Variants in NRXN3 observed in about 807,000 individuals in gnomAD.
The protein encoded by NRXN3 is neurexin 3.
Under a neutral mutation model 137.6 loss-of-function variants are expected in NRXN3, and 32 were observed. The observed-to-expected ratio is 0.23, with a 90% confidence interval of 0.18 to 0.31. The LOEUF is 0.31. NRXN3 is among the 10% of genes least tolerant of loss of function. The pLI is 1.00. For synonymous variants in NRXN3, 798 were observed against 784.5 expected (o/e 1.02, Z -0.29); for missense variants, 1,574 against 2,062.5 (o/e 0.76, Z 4.59).
chr14:79,001,215 C>T (rs957439999), intron 15 of NRXN3, among the ~76,000 whole-genome samples: 3 of 152,136 alleles, frequency 2.0e-5, no homozygotes, highest in Non-Finnish European at 2.9e-5. Flanking sequence ...ACTTCACAGT[C>T]CTTGACAGTC....
chr14:78,350,711 G>A (rs1375506592), intron 4 of NRXN3, among the ~76,000 whole-genome samples: 1 of 152,078 alleles, frequency 6.6e-6, no homozygotes, highest in African/African-American at 2.4e-5. Flanking sequence ...GAAACATGAG[G>A]CAGGGGGCTC....
At chr14:78,625,685 A>G (rs891760698) in intron 4 of NRXN3, among the ~76,000 whole-genome samples, 1 of 152,156 alleles carries the variant, frequency 6.6e-6, no homozygotes, top group Non-Finnish European at 1.5e-5. Flanking sequence ...TGTAGAAGAA[A>G]TGATGCTCAA....
At chr14:78,921,364 C>T (rs1207062142) in intron 10 of NRXN3, among the ~76,000 whole-genome samples, 1 of 152,150 alleles carries the variant, frequency 6.6e-6, no homozygotes, top group East Asian at 1.9e-4. Context: ...GAAGATCAGT[C>T]TAGAGAAGTT....
At chr14:78,397,386 T>C (rs762464645) in intron 4 of NRXN3, among the ~76,000 whole-genome samples, 1 of 152,116 alleles carries the variant, frequency 6.6e-6, no homozygotes, top group Non-Finnish European at 1.5e-5. Context: ...TTGGGTAATG[T>C]CTATCTTCCA....
intron 15 of NRXN3, among the ~76,000 whole-genome samples, chr14:79,400,197 T>C (rs568870244): frequency 6.6e-6 from 1 of 152,358 alleles, no homozygotes; most frequent in Admixed American, 6.5e-5. Context: ...AACCCTTAAA[T>C]ATCCTATTGT....
intron 16 of NRXN3, among the ~76,000 whole-genome samples, chr14:79,542,162 TGACTTCTTCTGA>T (rs1170216271): frequency 2.6e-5 from 4 of 152,194 alleles, no homozygotes; most frequent in African/African-American, 9.6e-5. Flanking sequence ...GGTCTCAGAG[TGACTTCTTCTGA>T]GATTGGTATT....
At chr14:78,643,661 C>T (rs1384211382) in intron 4 of NRXN3, among the ~76,000 whole-genome samples, 1 of 152,182 alleles carries the variant, frequency 6.6e-6, no homozygotes, top group Non-Finnish European at 1.5e-5. Context: ...AACCAGCCAA[C>T]CCCTAGTCCT....
At chr14:79,457,571 T>C (rs764897296) in intron 15 of NRXN3, among the ~76,000 whole-genome samples, 1 of 152,196 alleles carries the variant, frequency 6.6e-6, no homozygotes, top group Non-Finnish European at 1.5e-5. Context: ...TTAAGAGGTA[T>C]GTGTCTCATA....
intron 15 of NRXN3, among the ~76,000 whole-genome samples, chr14:79,153,096 G>A (rs1163653683): frequency 1.3e-5 from 2 of 151,956 alleles, no homozygotes; most frequent in Non-Finnish European, 2.9e-5. Context: ...GGATGGGCAA[G>A]GAGGTGGAGA....
intron 19 of NRXN3, among the ~76,000 whole-genome samples, chr14:79,769,211 C>T (rs1324242841): frequency 6.7e-6 from 1 of 148,950 alleles, no homozygotes; most frequent in Non-Finnish European, 1.5e-5. Flanking sequence ...AGGATATTAT[C>T]CAGGAGAACT....
At chr14:78,246,670 A>G (rs1017447551) in intron 2 of NRXN3, among the ~76,000 whole-genome samples, 1 of 152,220 alleles carries the variant, frequency 6.6e-6, no homozygotes, top group Non-Finnish European at 1.5e-5. Flanking sequence ...CTATTAGAAA[A>G]TAACCGTTGC....
intron 4 of NRXN3, among the ~76,000 whole-genome samples, chr14:78,596,779 G>C (rs889418169): frequency 6.6e-5 from 10 of 152,262 alleles, no homozygotes; most frequent in Non-Finnish European, 1.2e-4. Context: ...TCACTTCCTT[G>C]CATCATCATT....
chr14:78,976,428 T>C (rs2099466610), intron 14 of NRXN3, among the ~76,000 whole-genome samples: 1 of 152,100 alleles, frequency 6.6e-6, no homozygotes. Context: ...ATGTATTGGG[T>C]TCAGATGCCT....
Position 78,965,930 on chromosome 14 carries a change from G to T in NRXN3, c.2396-95G>T, listed in dbSNP as rs59747196. 6.8e-3 allele frequency: 9,101 copies of T among 1,346,092 alleles called. 420 individuals carry two copies. The African/African-American group carries it at 0.11, about 16-fold the overall frequency. The allele number at this position is 1,346,092 out of a possible 1,614,324, so 83.4% of individuals were successfully genotyped here. Reference sequence around the variant, plus strand: ...CTCACCCAAGAAAGCTGAATATTCTGTGTGGAAACAGGTTACACCCAAAAA... The same window carrying T: ...CTCACCCAAGAAAGCTGAATATTCTTTGTGGAAACAGGTTACACCCAAAAA... On this transcript the variant is annotated intron_variant, in intron 11 of 20. Coordinates refer to ENST00000335750, the MANE Select transcript of NRXN3 (RefSeq NM_001330195.2).
At chr14:79,614,013 A>G (rs1298504316) in intron 16 of NRXN3, among the ~76,000 whole-genome samples, 1 of 152,204 alleles carries the variant, frequency 6.6e-6, no homozygotes, top group African/African-American at 2.4e-5. Flanking sequence ...TCCATGCTTT[A>G]TTTTCTAATA....
rs550620871 is a variant in NRXN3 at position 78,242,170 on chromosome 14, A to G, written c.-703-221A>G. 5.3e-5 allele frequency among the ~76,000 whole-genome samples: 8 copies of G among 152,308 alleles called. No homozygotes were observed. The East Asian group carries it at 1.4e-3, about 26-fold the overall frequency. On this transcript the variant is annotated intron_variant, in intron 1 of 20. Coordinates refer to ENST00000335750, the MANE Select transcript of NRXN3 (RefSeq NM_001330195.2). ...CTTTGGGGATTTTTATTATTTTTACATATGGAAAACCTGAGTGCATCATTA... is the reference window on the plus strand; with the variant it reads ...CTTTGGGGATTTTTATTATTTTTACGTATGGAAAACCTGAGTGCATCATTA...
chr14:79,368,633 C>A (rs2093983610), intron 15 of NRXN3, among the ~76,000 whole-genome samples: 1 of 152,154 alleles, frequency 6.6e-6, no homozygotes, highest in Admixed American at 6.5e-5. Context: ...ACCTCTGCCA[C>A]CTTTTGAGCT....
rs139389405 is a variant in NRXN3 at position 78,339,839 on chromosome 14, G to A, written c.757+41979G>A. Among the ~76,000 whole-genome samples the A allele has an allele frequency of 1.5e-4, 23 of 152,282 alleles. No homozygotes were observed. In the East Asian group the frequency reaches 4.2e-3, roughly 28 times the overall value. ...TGAAGAAAAGTAGATGAGGAGCACTGAGAAGAAGAAGTACGTCTCAGGTCA... is the reference window on the plus strand; with the variant it reads ...TGAAGAAAAGTAGATGAGGAGCACTAAGAAGAAGAAGTACGTCTCAGGTCA... On this transcript the variant is annotated intron_variant, in intron 4 of 20. Transcript: ENST00000335750.
intron 19 of NRXN3, among the ~76,000 whole-genome samples, chr14:79,720,847 T>G (rs1255386373): frequency 6.6e-6 from 1 of 152,010 alleles, no homozygotes; most frequent in Admixed American, 6.6e-5. Context: ...GGGAATAATA[T>G]TAAAATGAAT....
Sources: gnomAD v4.1 joint callset for allele counts (sites outside exome capture counted in the v4.1 genomes callset) on GRCh38, gnomAD v4.1.1 for gene constraint, MANE v1.5 for transcripts, NCBI Gene and HGNC (gene_info 2026-07-23, HGNC 2026-07-21) for gene names.